SRD5A2: variants seen among roughly 807,000 people sequenced by gnomAD.
The protein encoded by SRD5A2 is steroid 5 alpha-reductase 2.
Under a neutral mutation model 27.4 loss-of-function variants are expected in SRD5A2, and 30 were observed. That is an observed-to-expected ratio of 1.10 (90% CI 0.82 to 1.49). The LOEUF (loss-of-function observed/expected upper bound fraction) is 1.49. SRD5A2 is among the 40% of genes most tolerant of loss of function. SRD5A2 has a pLI of 0.00. For synonymous variants in SRD5A2, 141 were observed against 133.6 expected, an observed-to-expected ratio of 1.06 and a Z score of -0.38; for missense variants, 348 against 323.4, an observed-to-expected ratio of 1.08 and a Z score of -0.58.
intron 1 of SRD5A2, among the ~76,000 whole-genome samples, chr2:31,554,016 C>T (rs1666438429): frequency 6.6e-6 from 1 of 152,068 alleles, no homozygotes; most frequent in African/African-American, 2.4e-5. Flanking sequence ...CATGATAGTG[C>T]ACATCTGTGA....
the SRD5A2 span, among the ~76,000 whole-genome samples, chr2:31,646,733 A>T: frequency 6.6e-6 from 1 of 151,578 alleles, no homozygotes; most frequent in South Asian, 2.1e-4. Context: ...AAAGAATATT[A>T]AAAAAAAATG....
chr2:31,583,068 C>T (rs184673676), upstream of SRD5A2, among the ~76,000 whole-genome samples: 303 of 152,332 alleles, frequency 2.0e-3, no homozygotes, highest in African/African-American at 6.6e-3. Context: ...GCTTATGCAT[C>T]TGTGGGTTGG....
chr2:31,614,438 G>C, the SRD5A2 span, among the ~76,000 whole-genome samples: 1 of 152,238 alleles, frequency 6.6e-6, no homozygotes, highest in Non-Finnish European at 1.5e-5. Flanking sequence ...CTCTGCCCCT[G>C]TGGCTTTGCA....
chr2:31,526,096 C>CATATAT lies in SRD5A2; in HGVS notation c.*94_*99dup. On this transcript the variant is annotated 3_prime_UTR_variant, in exon 5 of 5. Transcript: ENST00000622030. ...CAGAACGCCAGGAGACCTACTATTA[C>CATATAT]ATATATACGGGACTATTATATCATG... is the stretch of plus-strand genomic sequence containing the variant. 3.3e-5 allele frequency: 22 copies of CATATAT among 667,680 alleles called. No individual in the cohort carries two copies. The highest frequency in any genetic ancestry group is 2.3e-4 in the South Asian group (11 of 47,660). The allele number at this position is 667,680 out of a possible 1,614,324, so 41.4% of individuals were successfully genotyped here. A position where few individuals can be genotyped will look rare whatever the true frequency, so the allele number is the denominator to read the frequency against.
the SRD5A2 span, among the ~76,000 whole-genome samples, chr2:31,652,092 G>C: frequency 6.6e-6 from 1 of 152,104 alleles, no homozygotes. Context: ...CCAGTAGCTG[G>C]GACTATAGGC....
intron 1 of SRD5A2, among the ~76,000 whole-genome samples, chr2:31,566,429 T>C (rs1383810265): frequency 1.3e-5 from 2 of 152,124 alleles, no homozygotes; most frequent in Non-Finnish European, 2.9e-5. Flanking sequence ...AGTTCTGAGA[T>C]GATCAATACA....
chr2:31,558,738 T>C (rs539785954), intron 1 of SRD5A2, among the ~76,000 whole-genome samples: 1 of 152,260 alleles, frequency 6.6e-6, no homozygotes, highest in South Asian at 2.1e-4. Context: ...TGTACCCCAA[T>C]TGCCTACAGT....
At chr2:31,535,268 C>A (rs1445677910) in intron 1 of SRD5A2, among the ~76,000 whole-genome samples, 1 of 152,214 alleles carries the variant, frequency 6.6e-6, no homozygotes, top group Non-Finnish European at 1.5e-5. Context: ...GATCCACCTG[C>A]TTCAGCCTCC....
intron 1 of SRD5A2, among the ~76,000 whole-genome samples, chr2:31,559,440 A>G (rs894030823): frequency 3.9e-5 from 6 of 152,168 alleles, no homozygotes; most frequent in Admixed American, 1.3e-4. Flanking sequence ...ACTAAGTGAT[A>G]CCATATTTTA....
At chr2:31,556,980 A>T (rs1256187153) in intron 1 of SRD5A2, among the ~76,000 whole-genome samples, 6 of 152,146 alleles carry the variant, frequency 3.9e-5, no homozygotes, top group Admixed American at 1.3e-4. Flanking sequence ...ACCCTAGGAG[A>T]TAGGTATTAT....
chr2:31,610,527 A>G, the SRD5A2 span, among the ~76,000 whole-genome samples: 1 of 152,192 alleles, frequency 6.6e-6, no homozygotes, highest in African/African-American at 2.4e-5. Context: ...GCCCACAGCT[A>G]TCATACTCAA....
the SRD5A2 span, among the ~76,000 whole-genome samples, chr2:31,631,858 G>C: frequency 3.3e-5 from 5 of 152,180 alleles, no homozygotes; most frequent in African/African-American, 4.8e-5. Flanking sequence ...TTGGGACACA[G>C]AATCAGAACA....
chr2:31,635,032 C>G, the SRD5A2 span, among the ~76,000 whole-genome samples: 1 of 152,136 alleles, frequency 6.6e-6, no homozygotes, highest in Non-Finnish European at 1.5e-5. Flanking sequence ...GATTTCCTAT[C>G]TTTCAGATAA....
At chr2:31,649,983 T>TA in the SRD5A2 span, among the ~76,000 whole-genome samples, 1 of 147,428 alleles carries the variant, frequency 6.8e-6, no homozygotes, top group African/African-American at 2.5e-5. Context: ...TTAGATTGAT[T>TA]GATTAGATTA....
the SRD5A2 span, among the ~76,000 whole-genome samples, chr2:31,654,659 AAC>A: frequency 6.6e-6 from 1 of 152,230 alleles, no homozygotes; most frequent in African/African-American, 2.4e-5. Flanking sequence ...ACTTGATAAA[AAC>A]AGTGTTGCAT....
chr2:31,590,817 C>T, the SRD5A2 span, among the ~76,000 whole-genome samples: 1 of 152,148 alleles, frequency 6.6e-6, no homozygotes, highest in Non-Finnish European at 1.5e-5. Context: ...CTGACAAAAA[C>T]AGGAAATGGG....
At chr2:31,619,150 A>G in the SRD5A2 span, among the ~76,000 whole-genome samples, 9 of 152,146 alleles carry the variant, frequency 5.9e-5, no homozygotes, top group African/African-American at 2.2e-4. Flanking sequence ...ATAATCAAAA[A>G]GACAGACAAT....
At chr2:31,545,435 A>G (rs1262093460) in intron 1 of SRD5A2, among the ~76,000 whole-genome samples, 1 of 152,166 alleles carries the variant, frequency 6.6e-6, no homozygotes, top group African/African-American at 2.4e-5. Context: ...ACAAAAATCA[A>G]TCAGTGTAAT....
chr2:31,555,020 A>T lies in SRD5A2; in HGVS notation c.282-21254T>A, dbSNP rs541052237. On this transcript the variant is annotated intron_variant, in intron 1 of 4. Coordinates refer to ENST00000622030, the MANE Select transcript of SRD5A2 (RefSeq NM_000348.4). The stretch of plus-strand genomic sequence containing the variant: ...CCAGTGAAGAATTTAAAGCTTACAG[A>T]CATAAGGTAATGTGCCCAAGGCCAC... Among the ~76,000 whole-genome samples, 5 of 151,638 alleles carry T rather than the reference A, an allele frequency of 3.3e-5. No homozygotes were observed. In the South Asian group the frequency reaches 8.4e-4, roughly 25 times the overall value.
Sources: allele counts gnomAD v4.1 joint callset (sites outside exome capture counted in the v4.1 genomes callset), GRCh38; gene constraint gnomAD v4.1.1; transcripts MANE v1.5; gene names NCBI Gene and HGNC (gene_info 2026-07-23, HGNC 2026-07-21).